DIS3: variants seen among roughly 807,000 people sequenced by gnomAD.
DIS3 encodes DIS3 exosome endoribonuclease and 3'-5' exoribonuclease.
Under a neutral mutation model 113.0 loss-of-function variants are expected in DIS3, and 103 were observed. The ratio of observed to expected loss-of-function variants is 0.91; its 90% CI spans 0.78 to 1.07. DIS3 has a LOEUF of 1.07. DIS3 is among the 50% of genes least tolerant of loss of function. DIS3 has a pLI of 0.00. For missense variants in DIS3, 1,121 were observed against 1,167.1 expected (o/e 0.96, Z 0.58); for synonymous variants, 402 against 394.3 (o/e 1.02, Z -0.23).
intron 14 of DIS3, among the ~76,000 whole-genome samples, chr13:72,768,261 G>T (rs917213719): frequency 6.6e-6 from 1 of 152,088 alleles, no homozygotes; most frequent in Non-Finnish European, 1.5e-5. Context: ...ATTTCTTCAA[G>T]ATCTTTAACT....
chr13:72,755,552 A>T lies in DIS3; in HGVS notation c.*4243T>A. The T allele has an allele frequency of 8.8e-6, 3 of 342,460 alleles. No individual in the cohort carries two copies. The highest frequency in any genetic ancestry group is 1.6e-5 in the Non-Finnish European group (3 of 192,186). 21.2% of individuals were successfully genotyped at this position (342,460 alleles called of 1,614,324 possible). ...AAGCCTTACTGGTAGCACTGAATTTAGCAGTTCTGAGAACATGTGAAACTA... is the reference window on the plus strand; with the variant it reads ...AAGCCTTACTGGTAGCACTGAATTTTGCAGTTCTGAGAACATGTGAAACTA... On this transcript the variant is annotated 3_prime_UTR_variant, in exon 21 of 21. Coordinates refer to ENST00000377767, the MANE Select transcript of DIS3 (RefSeq NM_014953.5).
At chr13:72,766,778 A>G (rs919852178) in intron 14 of DIS3, among the ~76,000 whole-genome samples, 4 of 152,190 alleles carry the variant, frequency 2.6e-5, no homozygotes, top group Non-Finnish European at 5.9e-5. Flanking sequence ...AAATCAACCT[A>G]AAACTAAAAA....
intron 16 of DIS3, 130 bp from the exon 17 acceptor site, chr13:72,762,267 A>T (rs2138154863): frequency 2.4e-6 from 2 of 821,982 alleles, no homozygotes; most frequent in East Asian, 2.7e-5. Context: ...TTCAAAGTAG[A>T]AGTAGTAGCC....
intron 4 of DIS3, 63 bp from the exon 5 acceptor site, chr13:72,776,155 A>G (rs2034013760): frequency 2.1e-6 from 3 of 1,449,670 alleles, no homozygotes; most frequent in Non-Finnish European, 1.8e-6. Flanking sequence ...ATACACAACT[A>G]TTATTAATAT....
Position 72,753,943 on chromosome 13 carries a change from C to G in DIS3, c.*5852G>C, listed in dbSNP as rs913101252. On this transcript the variant is annotated 3_prime_UTR_variant, in exon 21 of 21. Coordinates refer to ENST00000377767, the MANE Select transcript of DIS3 (RefSeq NM_014953.5). ...AAATTTAAAACACTAAAAGGTAAGC[C>G]TGTTTTCTTAACATCCAATAACCTT... The G allele has an allele frequency of 9.7e-6, 10 of 1,034,886 alleles. No homozygotes were observed. The East Asian group carries it at 2.4e-4, about 25-fold the overall frequency. 64.1% of individuals were successfully genotyped at this position (1,034,886 alleles called of 1,614,324 possible).
intron 19 of DIS3, among the ~76,000 whole-genome samples, chr13:72,760,949 G>A (rs746132115): frequency 5.3e-5 from 8 of 151,920 alleles, no homozygotes; most frequent in Non-Finnish European, 1.2e-4. Flanking sequence ...GAACACAAAG[G>A]TATTTTGGCC....
chr13:72,766,503 GAAGATCCA>G (rs1156461774), intron 14 of DIS3, among the ~76,000 whole-genome samples: 19 of 149,676 alleles, frequency 1.3e-4, no homozygotes, highest in Admixed American at 1.2e-3. Flanking sequence ...AGTAACACCA[GAAGATCCA>G]CAGTTCAAAA....
In DIS3 at chr13:72,752,989, C is replaced by T. The variant is rs1312605746; in HGVS notation, c.*6806G>A. 6.6e-6 allele frequency: 1 copy of T among 152,242 alleles called. No homozygotes were observed. The highest frequency in any genetic ancestry group is 2.4e-5 in the African/African-American group (1 of 41,448). 9.4% of individuals were successfully genotyped at this position (152,242 alleles called of 1,614,324 possible). The stretch of plus-strand genomic sequence containing the variant: ...GGACTTAGGTCTCACATCTTCATCA[C>T]CTCATCACTGGATGACATTGTGAAA... On this transcript the variant is annotated 3_prime_UTR_variant, in exon 21 of 21. Transcript: ENST00000377767.
In DIS3 at chr13:72,763,522, C is replaced by A; in HGVS notation, c.2056G>T (p.Ala686Ser). The A allele has an allele frequency of 6.2e-7, 1 of 1,613,784 alleles. No homozygotes were observed. The highest frequency in any genetic ancestry group is 8.5e-7 in the Non-Finnish European group (1 of 1,179,934). Residue 686 changes from alanine (A) to serine (S), a missense_variant, in exon 16 of 21, where the codon GCT becomes TCT. By Grantham distance (99) the Ala-to-Ser change is moderately conservative. Coordinates refer to ENST00000377767, the MANE Select transcript of DIS3 (RefSeq NM_014953.5). ...KKIHEEFSEH[A>S]LLRKHPAPPP... ...GGAGCAGGATGTTTTCGAAGCAGAGCATGTTCAGAAAATTCCTCATGAATT... is the reference window on the plus strand; with the variant it reads ...GGAGCAGGATGTTTTCGAAGCAGAGAATGTTCAGAAAATTCCTCATGAATT...
intron 15 of DIS3, 71 bp from the exon 16 acceptor site, chr13:72,763,678 A>C: frequency 1.4e-6 from 2 of 1,443,534 alleles, no homozygotes; most frequent in East Asian, 4.8e-5. Context: ...ATTTTTTCAC[A>C]GGTTACCTTT....
Position 72,757,219 on chromosome 13 carries a change from T to G in DIS3, c.*2576A>C, listed in dbSNP as rs1024952136. On this transcript the variant is annotated 3_prime_UTR_variant, in exon 21 of 21. Transcript: ENST00000377767. ...TGCCCTACTTCCCTTTCTTCTCTATTGCAGGTTAACTATGGCCTGTAGGCA... is the reference window on the plus strand; with the variant it reads ...TGCCCTACTTCCCTTTCTTCTCTATGGCAGGTTAACTATGGCCTGTAGGCA... 2 of 151,784 alleles carry G rather than the reference T, an allele frequency of 1.3e-5. No homozygotes were observed. The highest frequency in any genetic ancestry group is 4.8e-5 in the African/African-American group (2 of 41,328). 9.4% of individuals were successfully genotyped at this position (151,784 alleles called of 1,614,324 possible).
At position 72,761,719 on chromosome 13, in the gene DIS3, A is replaced by T; in HGVS notation, c.2438T>A (p.Ile813Lys). ...GTGCCGGAAATTTAGATTTTTACAT[A>T]TATCTGCAAGCTTGTGTTTGTCTGT... is the stretch of plus-strand genomic sequence containing the variant. ...ELTDKHKLADICKNLNFRHKM... is the reference protein window; with the variant it reads ...ELTDKHKLADKCKNLNFRHKM... Residue 813 changes from isoleucine to lysine, a missense_variant, in exon 18 of 21, where the codon ATA becomes AAA. Coordinates refer to ENST00000377767, the MANE Select transcript of DIS3 (RefSeq NM_014953.5). The T allele has an allele frequency of 1.9e-6, 3 of 1,613,764 alleles. No individual in the cohort carries two copies. The highest frequency in any genetic ancestry group is 2.5e-6 in the Non-Finnish European group (3 of 1,179,940).
At chr13:72,774,081 GT>G in intron 6 of DIS3, 22 bp from the exon 7 acceptor site, 2 of 1,515,570 alleles carry the variant, frequency 1.3e-6, no homozygotes, top group Non-Finnish European at 1.8e-6. Context: ...AAATTAAAAT[GT>G]TCAGTTATAT....
At chr13:72,775,096 A>T (rs1161100219) in intron 6 of DIS3, 115 bp downstream of exon 6, 60 of 1,175,032 alleles carry the variant, frequency 5.1e-5, no homozygotes, top group Non-Finnish European at 7.0e-5. Context: ...CGTTAAATAT[A>T]CAGAACTATG....
At chr13:72,764,779 T>C (rs142950839) in intron 15 of DIS3, among the ~76,000 whole-genome samples, 3,075 of 152,226 alleles carry the variant, frequency 0.02, 59 homozygotes, top group Non-Finnish European at 0.027. Flanking sequence ...TAGAAAGACC[T>C]CCAATCACAT....
In DIS3 at chr13:72,761,806, T is replaced by A; in HGVS notation, c.2351A>T (p.Asp784Val). The A allele has an allele frequency of 6.2e-7, 1 of 1,612,442 alleles. No homozygotes were observed. Among genetic ancestry groups the A allele is most frequent in the Non-Finnish European group, 8.5e-7 (1 of 1,179,626 alleles). ...HFTSPIRRYA[D>V]VIVHRLLAVA... ...AGCCAAAAGCCGATGAACAATGACA[T>A]CTGCGTATCTAGATAGATGGAAAAA... The change falls in exon 18 of 21, where the codon GAT (aspartate) becomes GTT (valine). Residue 784 changes from aspartate (D) to valine (V), a missense_variant. By Grantham distance (152) the Asp-to-Val change is radical (BLOSUM62 -3). This residue lies in a region of DIS3 where 861 missense variants were observed against 915.5 expected (regional missense o/e 0.94). Coordinates refer to ENST00000377767, the MANE Select transcript of DIS3 (RefSeq NM_014953.5).
rs2033642156 is a variant in DIS3 at position 72,762,097 on chromosome 13, T to G, written c.2168A>C (p.Glu723Ala). 6.2e-7 allele frequency: 1 copy of G among 1,614,016 alleles called. No individual in the cohort carries two copies. The highest frequency in any genetic ancestry group is 1.7e-5 in the Admixed American group (1 of 60,028). ...AGGAGATTCGGCCTGATCCAAAGAC[T>G]CAGCCAAAGACTTGGCTGTATCAGT... is the stretch of plus-strand genomic sequence containing the variant. ...IKTDTAKSLA[E>A]SLDQAESPTF... is the part of the protein sequence containing the mutation. Residue 723 changes from glutamate (E) to alanine (A), a missense_variant, in exon 17 of 21, where the codon GAG (glutamate) becomes GCG (alanine). Physicochemically the swap from Glu to Ala is moderately radical, Grantham distance 107. This residue lies in a region of DIS3 where 861 missense variants were observed against 915.5 expected (regional missense o/e 0.94). Transcript: ENST00000377767.
chr13:72,753,965 C>A lies in DIS3; in HGVS notation c.*5830G>T. 1 of 839,206 alleles carries A rather than the reference C, an allele frequency of 1.2e-6. No individual in the cohort carries two copies. The highest frequency in any genetic ancestry group is 1.8e-6 in the Non-Finnish European group (1 of 558,746). The allele number at this position is 839,206 out of a possible 1,614,324, so 52.0% of individuals were successfully genotyped here. On this transcript the variant is annotated 3_prime_UTR_variant, in exon 21 of 21. Coordinates refer to ENST00000377767, the MANE Select transcript of DIS3 (RefSeq NM_014953.5). ...AGCCTGTTTTCTTAACATCCAATAACCTTTAAATATTTTGGTTACTCTGAA... is the reference window on the plus strand; with the variant it reads ...AGCCTGTTTTCTTAACATCCAATAAACTTTAAATATTTTGGTTACTCTGAA...
At position 72,754,816 on chromosome 13, in the gene DIS3, A is replaced by G. The variant is rs181696897; in HGVS notation, c.*4979T>C. On this transcript the variant is annotated 3_prime_UTR_variant, in exon 21 of 21. Coordinates refer to ENST00000377767, the MANE Select transcript of DIS3 (RefSeq NM_014953.5). ...CTGTAGCCTTCACCTCCCAGACTCA[A>G]GCAGTCTTACCACCTCAGCCTCCTG... The G allele has an allele frequency of 7.6e-4, 149 of 196,614 alleles. No individual in the cohort carries two copies. The highest frequency in any genetic ancestry group is 3.2e-3 in the African/African-American group (137 of 42,940). 12.2% of individuals were successfully genotyped at this position (196,614 alleles called of 1,614,324 possible).
Sources: allele counts gnomAD v4.1 joint callset (sites outside exome capture counted in the v4.1 genomes callset), GRCh38; gene constraint gnomAD v4.1.1; regional missense constraint gnomAD v4.1.1; transcripts MANE v1.5; gene names NCBI Gene and HGNC (gene_info 2026-07-23, HGNC 2026-07-21).